Variants in ABCA1 observed in about 807,000 individuals in gnomAD.
ABCA1 encodes ATP binding cassette subfamily A member 1, also known as phospholipid-transporting ATPase ABCA1.
Under a neutral mutation model 262.5 loss-of-function variants are expected in ABCA1, and 133 were observed. The observed-to-expected ratio is 0.51, with a 90% CI of 0.44 to 0.59. ABCA1 has a LOEUF of 0.59. Ranked by LOEUF, ABCA1 falls within the 20% of genes least tolerant of loss-of-function variation. The pLI, the probability that ABCA1 is intolerant of heterozygous loss-of-function variation, is 0.00. For missense variants in ABCA1, 2,452 were observed against 2,777.5 expected (o/e 0.88, Z 2.63); for synonymous variants, 1,022 against 1,043.5 (o/e 0.98, Z 0.40).
intron 2 of ABCA1, among the ~76,000 whole-genome samples, chr9:104,903,014 A>G (rs1840791874): frequency 1.3e-5 from 2 of 152,228 alleles, no homozygotes; most frequent in South Asian, 4.1e-4. Context: ...TCTGCTCTAC[A>G]GCCCTCACAT....
Position 104,817,472 on chromosome 9 carries a change from C to T in ABCA1, c.3463-68G>A, listed in dbSNP as rs1375863899. 1.2e-5 allele frequency: 18 copies of T among 1,537,414 alleles called. No individual in the cohort carries two copies. The East Asian group carries it at 1.6e-4, about 13-fold the overall frequency. The stretch of plus-strand genomic sequence containing the variant: ...AAGGCAGAGCCACCAGCACCTTCGC[C>T]GGGGAGGGCTTCCAAGAAGCTCTGT... On this transcript the variant is annotated intron_variant, in intron 23 of 49. Coordinates refer to ENST00000374736, the MANE Select transcript of ABCA1 (RefSeq NM_005502.4). The surrounding 1 kb of genome is among the most constrained non-coding windows in gnomAD (Gnocchi z 4.7).
intron 1 of ABCA1, among the ~76,000 whole-genome samples, chr9:104,913,188 GTCTT>G (rs749749670): frequency 1.6e-4 from 24 of 152,294 alleles, no homozygotes; most frequent in African/African-American, 5.8e-4. Context: ...CTTAGTCACT[GTCTT>G]TCTTTCTTTT....
At chr9:104,915,424 C>T (rs1841783778) in intron 1 of ABCA1, among the ~76,000 whole-genome samples, 1 of 152,228 alleles carries the variant, frequency 6.6e-6, no homozygotes, top group Non-Finnish European at 1.5e-5. Context: ...CAAACCCTCT[C>T]GCTGGCTGCC....
chr9:104,840,555 G>T (rs754601150), intron 8 of ABCA1, 36 bp from the exon 9 acceptor site: 3 of 1,601,258 alleles, frequency 1.9e-6, no homozygotes, highest in Non-Finnish European at 8.5e-7. Context: ...GGAGGGTAGG[G>T]GAAGGGAGAA....
At chr9:104,894,789 G>A (rs3905000) in intron 2 of ABCA1, among the ~76,000 whole-genome samples, 20,995 of 152,236 alleles carry the variant, frequency 0.14, 1,541 homozygotes, top group Middle Eastern at 0.22. Context: ...GTGAATTAAA[G>A]AGACTGTCTG....
At chr9:104,875,795 A>G (rs1188404620) in intron 5 of ABCA1, among the ~76,000 whole-genome samples, 4 of 152,140 alleles carry the variant, frequency 2.6e-5, no homozygotes, top group African/African-American at 9.7e-5. Context: ...TGCACTATTC[A>G]ACTCAAATCA....
chr9:104,794,635 T>C, intron 39 of ABCA1, 125 bp from the exon 40 acceptor site: 1 of 1,148,064 alleles, frequency 8.7e-7, no homozygotes, highest in Admixed American at 2.4e-5. Context: ...AATTTGATTC[T>C]CTAGGGACAA....
At chr9:104,840,554 G>A in intron 8 of ABCA1, 35 bp from the exon 9 acceptor site, 3 of 1,602,058 alleles carry the variant, frequency 1.9e-6, no homozygotes, top group Non-Finnish European at 2.6e-6. Context: ...AGGAGGGTAG[G>A]GGAAGGGAGA....
intron 2 of ABCA1, among the ~76,000 whole-genome samples, chr9:104,900,050 C>T (rs992335325): frequency 9.2e-5 from 14 of 152,134 alleles, no homozygotes; most frequent in African/African-American, 3.1e-4. Context: ...GCTGATGGTC[C>T]CCCCTCAGTC....
At chr9:104,846,827 C>T (rs959902527) in intron 7 of ABCA1, among the ~76,000 whole-genome samples, 3 of 152,168 alleles carry the variant, frequency 2.0e-5, no homozygotes, top group South Asian at 2.1e-4. Flanking sequence ...CTCTGTGATA[C>T]GCAGAGGTGT....
chr9:104,882,278 A>C (rs1330601285), intron 5 of ABCA1, among the ~76,000 whole-genome samples: 2 of 152,184 alleles, frequency 1.3e-5, no homozygotes, highest in African/African-American at 4.8e-5. Context: ...GGCGCATGAT[A>C]ATAATAAAAT....
chr9:104,816,764 C>T (rs1831811734), intron 24 of ABCA1, among the ~76,000 whole-genome samples: 1 of 152,160 alleles, frequency 6.6e-6, no homozygotes, highest in South Asian at 2.1e-4. Context: ...ATTCTTCACC[C>T]TTTCCTATGC....
intron 15 of ABCA1, among the ~76,000 whole-genome samples, chr9:104,828,068 A>G (rs1832951674): frequency 6.6e-6 from 1 of 152,234 alleles, no homozygotes; most frequent in African/African-American, 2.4e-5. Context: ...AGAGAAAGAA[A>G]ATTCGGATAT....
At position 104,796,524 on chromosome 9, in the gene ABCA1, A is replaced by T. The variant is rs1829911000; in HGVS notation, c.5122-100T>A. 12 of 858,804 alleles carry T rather than the reference A, an allele frequency of 1.4e-5. No homozygotes were observed. In the South Asian group the frequency reaches 1.6e-4, roughly 11 times the overall value. The allele number at this position is 858,804 out of a possible 1,614,324, so 53.2% of individuals were successfully genotyped here. ...ATCAGACAAGAAAGGGCAGATAAAC[A>T]TATTGGAGAGTAACTCTGAATTAAT... is the stretch of plus-strand genomic sequence containing the variant. On this transcript the variant is annotated intron_variant, in intron 37 of 49. Transcript: ENST00000374736.
intron 2 of ABCA1, among the ~76,000 whole-genome samples, chr9:104,895,705 A>C (rs79271694): frequency 0.031 from 4,670 of 152,258 alleles, 220 homozygotes; most frequent in African/African-American, 0.11. Context: ...ACAGATGTTC[A>C]CTGTCCACTT....
chr9:104,856,052 A>C, intron 7 of ABCA1: 1 of 1,611,212 alleles, frequency 6.2e-7, no homozygotes, highest in African/African-American at 1.3e-5. Context: ...GGCACAGTTA[A>C]CTGCCCATGT....
chr9:104,874,356 T>C (rs1837908225), intron 5 of ABCA1, among the ~76,000 whole-genome samples: 1 of 151,968 alleles, frequency 6.6e-6, no homozygotes, highest in Non-Finnish European at 1.5e-5. Context: ...AGTTCAAAGA[T>C]GGTCAGGAGT....
intron 46 of ABCA1, among the ~76,000 whole-genome samples, chr9:104,787,294 A>C (rs923720725): frequency 6.6e-6 from 1 of 152,198 alleles, no homozygotes; most frequent in Non-Finnish European, 1.5e-5. Flanking sequence ...TATATACAAA[A>C]CAACTTTTTG....
chr9:104,888,590 T>C (rs1839427210), intron 3 of ABCA1, among the ~76,000 whole-genome samples: 1 of 152,232 alleles, frequency 6.6e-6, no homozygotes, highest in African/African-American at 2.4e-5. Context: ...CTGTATTTTC[T>C]ATGCTCACTG....
Sources: allele counts gnomAD v4.1 joint callset (sites outside exome capture counted in the v4.1 genomes callset), GRCh38; gene constraint gnomAD v4.1.1; non-coding constraint Gnocchi (gnomAD v3.1); transcripts MANE v1.5; gene names NCBI Gene and HGNC (gene_info 2026-07-23, HGNC 2026-07-21).